BBX: variants seen among roughly 807,000 people sequenced by gnomAD.
BBX encodes the protein HMG box transcription factor BBX.
Under a neutral mutation model 100.2 loss-of-function variants are expected in BBX, and 30 were observed. The observed-to-expected ratio is 0.30, with a 90% confidence interval of 0.22 to 0.41. The LOEUF is 0.41. BBX is among the 10% of genes least tolerant of loss of function. The pLI is 1.00. For synonymous variants in BBX, 376 were observed against 388.1 expected (o/e 0.97, Z 0.37); for missense variants, 1,023 against 1,129.8 (o/e 0.91, Z 1.35).
Position 107,789,874 on chromosome 3 carries a change from AAG to A in BBX, c.2292_2293del (p.Gly765LysfsTer4). On this transcript the variant is annotated frameshift_variant and splice_region_variant, in exon 14 of 18. Transcript: ENST00000325805. LOFTEE classifies it high-confidence loss of function. ...AAGGAGAAGCCCAATGTTCCGGAAA[AAG>A]GTATTGGTGCCCTCCATCCTCCATG... 1 of 1,547,008 alleles carries A rather than the reference AAG, an allele frequency of 6.5e-7. No individual in the cohort carries two copies. Among genetic ancestry groups the A allele is most frequent in the Non-Finnish European group, 8.7e-7 (1 of 1,143,186 alleles).
intron 2 of BBX, among the ~76,000 whole-genome samples, chr3:107,630,066 T>G (rs969504978): frequency 9.2e-5 from 14 of 152,150 alleles, no homozygotes; most frequent in African/African-American, 3.4e-4. Context: ...TTTTTAACAC[T>G]TAGTTGTTAT....
chr3:107,695,067 C>T (rs2060483202), intron 3 of BBX, among the ~76,000 whole-genome samples: 1 of 145,314 alleles, frequency 6.9e-6, no homozygotes, highest in Non-Finnish European at 1.5e-5. Context: ...TTTATTGTGT[C>T]TATTTGATTC....
intron 17 of BBX, 122 bp downstream of exon 17, chr3:107,801,403 A>G: frequency 2.0e-6 from 2 of 1,007,448 alleles, no homozygotes; most frequent in Non-Finnish European, 2.8e-6. Context: ...ACTATTGGTT[A>G]TATGAGGTAT....
intron 2 of BBX, among the ~76,000 whole-genome samples, chr3:107,599,015 G>A (rs2053866497): frequency 6.6e-6 from 1 of 152,120 alleles, no homozygotes; most frequent in South Asian, 2.1e-4. Flanking sequence ...ACAGGTCAGA[G>A]TAGAGGTGGA....
At chr3:107,778,766 G>A (rs1297147990) in intron 13 of BBX, among the ~76,000 whole-genome samples, 4 of 151,762 alleles carry the variant, frequency 2.6e-5, no homozygotes, top group Admixed American at 1.3e-4. Flanking sequence ...TTGCAAAGAT[G>A]TTACACATGG....
chr3:107,678,660 C>G (rs1245746734), intron 3 of BBX, among the ~76,000 whole-genome samples: 1 of 151,962 alleles, frequency 6.6e-6, no homozygotes, highest in Non-Finnish European at 1.5e-5. Flanking sequence ...GAAGGTCAAG[C>G]TACAGCAGTG....
At chr3:107,658,529 A>AT (rs2058267325) in intron 3 of BBX, among the ~76,000 whole-genome samples, 1 of 152,206 alleles carries the variant, frequency 6.6e-6, no homozygotes, top group African/African-American at 2.4e-5. Context: ...AAGATCCTTT[A>AT]GAAAGCCCTT....
At chr3:107,733,764 A>C (rs2063469523) in intron 7 of BBX, among the ~76,000 whole-genome samples, 1 of 152,196 alleles carries the variant, frequency 6.6e-6, no homozygotes, top group Non-Finnish European at 1.5e-5. Flanking sequence ...CACTGTGCTC[A>C]GCCTGTTTGA....
intron 3 of BBX, among the ~76,000 whole-genome samples, chr3:107,697,370 GTT>G (rs2060692398): frequency 6.6e-6 from 1 of 151,830 alleles, no homozygotes; most frequent in Admixed American, 6.5e-5. Context: ...GTACAGATGG[GTT>G]TTTGGTGTGG....
intron 2 of BBX, among the ~76,000 whole-genome samples, chr3:107,566,233 C>T (rs1282920759): frequency 2.3e-5 from 3 of 132,432 alleles, no homozygotes; most frequent in Admixed American, 7.9e-5. Flanking sequence ...ATGTCATTTT[C>T]TTCTCTTAAG....
intron 2 of BBX, among the ~76,000 whole-genome samples, chr3:107,615,414 G>A (rs1030395170): frequency 3.3e-5 from 5 of 152,104 alleles, no homozygotes; most frequent in Admixed American, 2.0e-4. Context: ...CAGAAGTCCA[G>A]GATCCGGGCA....
At chr3:107,561,111 C>T (rs2050463070) in intron 2 of BBX, among the ~76,000 whole-genome samples, 1 of 152,160 alleles carries the variant, frequency 6.6e-6, no homozygotes, top group African/African-American at 2.4e-5. Context: ...GGGCAGAAAT[C>T]ACTGGTTGAG....
At chr3:107,538,246 G>A (rs1196540519) in intron 2 of BBX, among the ~76,000 whole-genome samples, 1 of 152,154 alleles carries the variant, frequency 6.6e-6, no homozygotes, top group African/African-American at 2.4e-5. Flanking sequence ...CATGAGCGAT[G>A]CAAATTCATA....
chr3:107,774,830 C>T lies in BBX; in HGVS notation c.2027C>T (p.Thr676Ile). 1 of 1,613,392 alleles carries T rather than the reference C, an allele frequency of 6.2e-7. No individual in the cohort carries two copies. Among genetic ancestry groups the T allele is most frequent in the Non-Finnish European group, 8.5e-7 (1 of 1,179,542 alleles). ...AGTGGGAGCAAGAAGTTCAAGAAGA[C>T]AAAGCCAAAAGAAGACTGTCTCCTT... ...GTSGSKKFKK[T>I]KPKEDCLLGS... The change falls in exon 12 of 18, where the codon ACA (threonine) becomes ATA (isoleucine). Residue 676 changes from threonine (T) to isoleucine (I), a missense_variant. By Grantham distance (89) the Thr-to-Ile change is moderately conservative. This residue lies in a region of BBX where 215 missense variants were observed against 211.3 expected (regional missense o/e 1.02). Coordinates refer to ENST00000325805, the MANE Select transcript of BBX (RefSeq NM_001142568.3).
chr3:107,542,163 ACTTTAT>A (rs1489076264), intron 2 of BBX, among the ~76,000 whole-genome samples: 7 of 152,242 alleles, frequency 4.6e-5, no homozygotes, highest in African/African-American at 9.6e-5. Context: ...ATTTGTTAGG[ACTTTAT>A]CTTTAAGTTC....
intron 5 of BBX, among the ~76,000 whole-genome samples, chr3:107,721,354 T>G (rs1286192702): frequency 6.6e-6 from 1 of 151,680 alleles, no homozygotes; most frequent in East Asian, 1.9e-4. Flanking sequence ...CCATAGTTGT[T>G]TTGTTTTTTG....
At chr3:107,742,931 A>G (rs990376298) in intron 7 of BBX, among the ~76,000 whole-genome samples, 1 of 152,182 alleles carries the variant, frequency 6.6e-6, no homozygotes, top group Non-Finnish European at 1.5e-5. Context: ...AAGAAAGTTG[A>G]ATTTTCTTCA....
intron 3 of BBX, among the ~76,000 whole-genome samples, chr3:107,666,630 A>G (rs2058758870): frequency 6.6e-6 from 1 of 152,196 alleles, no homozygotes; most frequent in African/African-American, 2.4e-5. Context: ...CAGTGGCGCG[A>G]TCTCGGCTCA....
intron 3 of BBX, among the ~76,000 whole-genome samples, chr3:107,650,428 A>G (rs753044813): frequency 4.6e-5 from 7 of 151,994 alleles, no homozygotes; most frequent in Non-Finnish European, 7.4e-5. Flanking sequence ...ATTGTCTTCC[A>G]TGAAACTGGT....
Sources: allele counts gnomAD v4.1 joint callset (sites outside exome capture counted in the v4.1 genomes callset), GRCh38; gene constraint gnomAD v4.1.1; regional missense constraint gnomAD v4.1.1; transcripts MANE v1.5; gene names NCBI Gene and HGNC (gene_info 2026-07-23, HGNC 2026-07-21).